Variants in PDZRN4 observed in about 807,000 individuals in gnomAD.
PDZRN4 encodes the protein PDZ domain-containing RING finger protein 4.
Under a neutral mutation model 99.0 loss-of-function variants are expected in PDZRN4, and 70 were observed. The ratio of observed to expected loss-of-function variants is 0.71; its 90% confidence interval spans 0.58 to 0.86. The LOEUF (loss-of-function observed/expected upper bound fraction) is 0.86. Ranked by LOEUF, PDZRN4 falls within the 40% of genes least tolerant of loss-of-function variation. The probability of loss-of-function intolerance (pLI) is 0.00; values close to 1 mark genes in which losing one functional copy is unlikely to be tolerated. For missense variants in PDZRN4, 1,474 were observed against 1,331.2 expected, an observed-to-expected ratio of 1.11 and a Z score of -1.67; for synonymous variants, 551 against 501.6, an observed-to-expected ratio of 1.10 and a Z score of -1.32.
chr12:41,363,035 T>C (rs999485245), intron 3 of PDZRN4, among the ~76,000 whole-genome samples: 3 of 152,098 alleles, frequency 2.0e-5, no homozygotes, highest in African/African-American at 7.2e-5. Flanking sequence ...TATGAAGCTG[T>C]AATCAGTAAC....
chr12:41,514,967 A>G (rs1938376034), intron 5 of PDZRN4, among the ~76,000 whole-genome samples: 2 of 152,070 alleles, frequency 1.3e-5, no homozygotes, highest in African/African-American at 2.4e-5. Context: ...AGAATCTCAT[A>G]TTTGGTATAA....
intron 3 of PDZRN4, among the ~76,000 whole-genome samples, chr12:41,410,406 A>G (rs769855685): frequency 2.0e-4 from 31 of 152,250 alleles, no homozygotes; most frequent in African/African-American, 4.6e-4. Context: ...AAACTTGTGC[A>G]TAAGTCTGCC....
intron 3 of PDZRN4, among the ~76,000 whole-genome samples, chr12:41,329,123 A>G (rs1428760373): frequency 6.6e-6 from 1 of 152,048 alleles, no homozygotes; most frequent in Non-Finnish European, 1.5e-5. Context: ...TTAGAATCGT[A>G]TTGCATCTTC....
At chr12:41,348,864 T>A (rs1951872785) in intron 3 of PDZRN4, among the ~76,000 whole-genome samples, 1 of 152,076 alleles carries the variant, frequency 6.6e-6, no homozygotes, top group Non-Finnish European at 1.5e-5. Flanking sequence ...TGTCAAGTTT[T>A]GGTGTAGTAT....
intron 3 of PDZRN4, among the ~76,000 whole-genome samples, chr12:41,415,929 A>G (rs551461208): frequency 6.6e-6 from 1 of 152,324 alleles, no homozygotes; most frequent in South Asian, 2.1e-4. Context: ...TGTATACTTT[A>G]CATTCATTTT....
chr12:41,194,640 C>T (rs1299605748), intron 3 of PDZRN4, among the ~76,000 whole-genome samples: 1 of 152,124 alleles, frequency 6.6e-6, no homozygotes, highest in East Asian at 1.9e-4. Flanking sequence ...GAGCAAGACG[C>T]TGCCTCCAAA....
intron 3 of PDZRN4, among the ~76,000 whole-genome samples, chr12:41,243,020 C>T (rs1222750470): frequency 6.6e-6 from 1 of 152,136 alleles, no homozygotes; most frequent in Admixed American, 6.6e-5. Flanking sequence ...AGGTAAGATT[C>T]ATTTCAGTAT....
intron 3 of PDZRN4, among the ~76,000 whole-genome samples, chr12:41,461,426 T>A (rs1362693514): frequency 6.6e-6 from 1 of 152,132 alleles, no homozygotes; most frequent in Non-Finnish European, 1.5e-5. Context: ...TGTGTCCATG[T>A]GTTCTCATCA....
intron 3 of PDZRN4, among the ~76,000 whole-genome samples, chr12:41,381,184 T>G (rs1952122722): frequency 6.6e-6 from 1 of 152,210 alleles, no homozygotes; most frequent in African/African-American, 2.4e-5. Context: ...TTACAATGTG[T>G]TTCAGTGTAA....
chr12:41,300,109 G>C (rs1267603451), intron 3 of PDZRN4, among the ~76,000 whole-genome samples: 1 of 151,550 alleles, frequency 6.6e-6, no homozygotes, highest in Non-Finnish European at 1.5e-5. Context: ...GTCATCTTTA[G>C]GTATATATTA....
chr12:41,415,832 T>G (rs543189346), intron 3 of PDZRN4, among the ~76,000 whole-genome samples: 1 of 152,316 alleles, frequency 6.6e-6, no homozygotes, highest in South Asian at 2.1e-4. Flanking sequence ...TACTATCTGC[T>G]TATTTAGTTA....
chr12:41,317,097 G>T (rs1308770221), intron 3 of PDZRN4, among the ~76,000 whole-genome samples: 1 of 81,912 alleles, frequency 1.2e-5, no homozygotes, highest in Non-Finnish European at 3.1e-5. Flanking sequence ...ATTACATAGA[G>T]AATTATCTAT....
chr12:41,343,522 T>G (rs946999577), intron 3 of PDZRN4, among the ~76,000 whole-genome samples: 1 of 151,924 alleles, frequency 6.6e-6, no homozygotes, highest in African/African-American at 2.4e-5. Context: ...CTATTAAAAT[T>G]TTAAAAAGTT....
intron 3 of PDZRN4, among the ~76,000 whole-genome samples, chr12:41,364,916 G>A (rs1347033286): frequency 6.6e-6 from 1 of 151,962 alleles, no homozygotes; most frequent in East Asian, 1.9e-4. Context: ...TGCCAGTGGG[G>A]AGAAAAAAAT....
chr12:41,423,282 C>G (rs567384500), intron 3 of PDZRN4, among the ~76,000 whole-genome samples: 1 of 152,156 alleles, frequency 6.6e-6, no homozygotes, highest in South Asian at 2.1e-4. Context: ...TCTCCTAATG[C>G]TATCCCTCCC....
intron 3 of PDZRN4, among the ~76,000 whole-genome samples, chr12:41,290,603 T>C (rs928093195): frequency 6.6e-6 from 1 of 152,114 alleles, no homozygotes; most frequent in African/African-American, 2.4e-5. Context: ...GGAAGAAAGA[T>C]CTAGAAAAAT....
At chr12:41,234,095 G>A (rs975792494) in intron 3 of PDZRN4, among the ~76,000 whole-genome samples, 13 of 151,842 alleles carry the variant, frequency 8.6e-5, no homozygotes, top group African/African-American at 3.1e-4. Context: ...CCTCAAAAAA[G>A]CCAACCTTTG....
intron 3 of PDZRN4, among the ~76,000 whole-genome samples, chr12:41,219,864 A>G (rs1457746275): frequency 6.6e-6 from 1 of 152,124 alleles, no homozygotes; most frequent in African/African-American, 2.4e-5. Flanking sequence ...AGCTTCTGCT[A>G]CTGATATAAC....
intron 8 of PDZRN4, 97 bp from the exon 9 acceptor site, chr12:41,567,686 T>C (rs537545472): frequency 1.7e-6 from 1 of 572,176 alleles, no homozygotes; most frequent in South Asian, 3.2e-5. Flanking sequence ...ATCATTATGA[T>C]AAAAGGAACT....
Sources: allele counts gnomAD v4.1 joint callset (sites outside exome capture counted in the v4.1 genomes callset), GRCh38; gene constraint gnomAD v4.1.1; transcripts MANE v1.5; gene names NCBI Gene and HGNC (gene_info 2026-07-23, HGNC 2026-07-21).